Variants in FAM107B observed in about 807,000 individuals in gnomAD.
FAM107B encodes the protein family with sequence similarity 107 member B.
In FAM107B, 21 loss-of-function variants were observed where a neutral mutation model predicts 31.5. The ratio of observed to expected loss-of-function variants is 0.67; its 90% confidence interval spans 0.47 to 0.96. The LOEUF (loss-of-function observed/expected upper bound fraction) is 0.96. Among genes scored for constraint, FAM107B ranks in the 40% least tolerant of loss-of-function variants. FAM107B has a pLI of 0.00. For synonymous variants in FAM107B, 157 were observed against 141.5 expected, an observed-to-expected ratio of 1.11 and a Z score of -0.78; for missense variants, 452 against 377.1, an observed-to-expected ratio of 1.20 and a Z score of -1.64.
At chr10:14,601,310 G>A (rs755063689) in intron 2 of FAM107B, among the ~76,000 whole-genome samples, 3 of 152,166 alleles carry the variant, frequency 2.0e-5, no homozygotes, top group Non-Finnish European at 2.9e-5. Flanking sequence ...GATATGAGAT[G>A]GGTAAGACTG....
At chr10:14,659,824 G>A (rs1441767012) in intron 2 of FAM107B, among the ~76,000 whole-genome samples, 1 of 152,282 alleles carries the variant, frequency 6.6e-6, no homozygotes, top group Admixed American at 6.5e-5. Context: ...CCCGCAGAGG[G>A]GCTGGCCTTA....
In FAM107B at chr10:14,595,493, T is replaced by C. The variant is rs116569119; in HGVS notation, c.470-64978A>G. On this transcript the variant is annotated intron_variant, in intron 2 of 4. Transcript: ENST00000181796. ...CAGGCTGGAGTACAGTGGTTCGAGC[T>C]CAGCTCACTGCAACCTCCGCCTCCT... 6.5e-3 allele frequency among the ~76,000 whole-genome samples: 881 copies of C among 136,024 alleles called. 9 individuals are homozygous for C. Among genetic ancestry groups the C allele is most frequent in the African/African-American group, 0.023 (853 of 36,684 alleles). The allele number at this position is 136,024 out of a possible 152,430, so 89.2% of individuals were successfully genotyped here.
rs182181420 is a variant in FAM107B at position 14,549,088 on chromosome 10, G to A, written c.470-18573C>T. On this transcript the variant is annotated intron_variant, in intron 2 of 4. Coordinates refer to ENST00000181796, the MANE Select transcript of FAM107B (RefSeq NM_031453.4). ...CCATGTGAGGACACAATGAGAAGAC[G>A]GCTGTCTGCAAGCCAGGAACCCAAT... 1.2e-3 allele frequency among the ~76,000 whole-genome samples: 188 copies of A among 152,268 alleles called. 2 individuals carry two copies. The highest frequency in any genetic ancestry group is 3.1e-4 in the Non-Finnish European group (21 of 68,020).
chr10:14,652,221 C>T (rs1447229619), intron 2 of FAM107B, among the ~76,000 whole-genome samples: 3 of 152,112 alleles, frequency 2.0e-5, no homozygotes, highest in East Asian at 3.9e-4. Flanking sequence ...TTTCTATGCA[C>T]ATGGAAAATT....
intron 2 of FAM107B, among the ~76,000 whole-genome samples, chr10:14,597,176 A>G (rs1163736157): frequency 6.6e-6 from 1 of 152,198 alleles, no homozygotes; most frequent in Non-Finnish European, 1.5e-5. Flanking sequence ...CTACATACGC[A>G]TATGCACAAA....
chr10:14,560,602 G>C (rs2131168553), intron 2 of FAM107B, among the ~76,000 whole-genome samples: 1 of 152,318 alleles, frequency 6.6e-6, no homozygotes. Context: ...AGGCTCGGAA[G>C]TCAGACATGG....
intron 2 of FAM107B, among the ~76,000 whole-genome samples, chr10:14,538,350 G>A (rs1412313553): frequency 2.6e-5 from 4 of 152,216 alleles, no homozygotes; most frequent in Non-Finnish European, 5.9e-5. Flanking sequence ...GTAAACAGCG[G>A]TGTGCTGACA....
chr10:14,570,747 G>A (rs1348010495), intron 2 of FAM107B, among the ~76,000 whole-genome samples: 2 of 148,608 alleles, frequency 1.3e-5, no homozygotes, highest in East Asian at 3.9e-4. Flanking sequence ...GGTTGCAGTG[G>A]GCTAAGACTG....
At chr10:14,618,351 C>T (rs1007767476) in intron 2 of FAM107B, among the ~76,000 whole-genome samples, 2 of 152,038 alleles carry the variant, frequency 1.3e-5, no homozygotes, top group Non-Finnish European at 2.9e-5. Flanking sequence ...TGAATAAAGC[C>T]GTTATAAACA....
At chr10:14,570,233 GGTGTGTGTGTGTGTGTGTGTGTGT>G (rs57206586) in intron 2 of FAM107B, among the ~76,000 whole-genome samples, 4 of 140,340 alleles carry the variant, frequency 2.9e-5, no homozygotes, top group African/African-American at 1.1e-4. Flanking sequence ...AAATGTGGTG[GGTGTGTGTGTGTGTGTGTGTGTGT>G]GTGTGTGTGT....
At chr10:14,770,804 A>G (rs1256732511) in intron 1 of FAM107B, among the ~76,000 whole-genome samples, 1 of 152,108 alleles carries the variant, frequency 6.6e-6, no homozygotes, top group African/African-American at 2.4e-5. Context: ...TAAACCAAAC[A>G]AAAATGTTTC....
At chr10:14,767,053 TATAGAGAGAGAGAGAGAGAG>T (rs1833187804) in intron 1 of FAM107B, among the ~76,000 whole-genome samples, 3 of 26,404 alleles carry the variant, frequency 1.1e-4, no homozygotes, top group African/African-American at 3.9e-4. Context: ...TATATATATA[TATAGAGAGAGAGAGAGAGAG>T]AGAGAGAGAG....
At chr10:14,667,474 T>G (rs1006646080) in intron 2 of FAM107B, among the ~76,000 whole-genome samples, 160 bp downstream of exon 2, 1 of 152,222 alleles carries the variant, frequency 6.6e-6, no homozygotes, top group African/African-American at 2.4e-5. Flanking sequence ...ATTGTCCAGA[T>G]GTCGTGCCTG....
chr10:14,698,914 G>T (rs1855329531), intron 1 of FAM107B, among the ~76,000 whole-genome samples: 1 of 152,218 alleles, frequency 6.6e-6, no homozygotes, highest in South Asian at 2.1e-4. Context: ...GAGGTAGGTA[G>T]AATTACCAGA....
intron 2 of FAM107B, among the ~76,000 whole-genome samples, chr10:14,562,499 A>G (rs1439814418): frequency 6.6e-6 from 1 of 152,226 alleles, no homozygotes; most frequent in Non-Finnish European, 1.5e-5. Flanking sequence ...TAGGCATCTT[A>G]ATTATCAACT....
rs568098162 is a variant in FAM107B, at chr10:14,709,917, G to T, written c.412-42226C>A. ...AAGATAGCAGTTGCCTGGGATATAG[G>T]GGGGAGGAGAGAGAAAAGAATAAAA... On this transcript the variant is annotated intron_variant, in intron 1 of 4. Coordinates refer to ENST00000181796, the MANE Select transcript of FAM107B (RefSeq NM_031453.4). Among the ~76,000 whole-genome samples the T allele has an allele frequency of 4.1e-4, 62 of 152,232 alleles. 1 individual carries two copies. The South Asian group carries it at 5.2e-3, about 13-fold the overall frequency.
intron 1 of FAM107B, among the ~76,000 whole-genome samples, chr10:14,750,457 C>T (rs1385888100): frequency 5.3e-5 from 8 of 152,010 alleles, no homozygotes; most frequent in Non-Finnish European, 1.0e-4. Flanking sequence ...ATTAAAAATA[C>T]AAAAATTAGC....
At chr10:14,756,151 G>A (rs1221461014) in intron 1 of FAM107B, among the ~76,000 whole-genome samples, 1 of 151,970 alleles carries the variant, frequency 6.6e-6, no homozygotes, top group African/African-American at 2.4e-5. Context: ...CAAAATCAGG[G>A]GGAGCTTTAT....
intron 2 of FAM107B, among the ~76,000 whole-genome samples, chr10:14,647,564 G>A (rs10796215): frequency 0.94 from 143,147 of 151,966 alleles, 67,579 homozygotes; most frequent in African/African-American, 0.97. Context: ...GGTGACTGTA[G>A]TCCCAGCTAC....
Sources: allele counts gnomAD v4.1 joint callset (sites outside exome capture counted in the v4.1 genomes callset), GRCh38; gene constraint gnomAD v4.1.1; transcripts MANE v1.5; gene names NCBI Gene and HGNC (gene_info 2026-07-23, HGNC 2026-07-21).